ZNF836: variants seen among roughly 807,000 people sequenced by gnomAD.
The protein encoded by ZNF836 is zinc finger protein 836.
ZNF836 carries 12 observed loss-of-function variants against 7.4 expected under a neutral mutation model. The observed-to-expected ratio is 1.61, with a 90% confidence interval of 1.03 to 2.61. The LOEUF (loss-of-function observed/expected upper bound fraction) is 2.61. Ranked by LOEUF, ZNF836 falls within the 30% of genes most tolerant of loss-of-function variation. ZNF836 has a pLI of 0.00. For missense variants in ZNF836, 998 were observed against 1,126.2 expected, an observed-to-expected ratio of 0.89 and a Z score of 1.63; for synonymous variants, 365 against 382.6, an observed-to-expected ratio of 0.95 and a Z score of 0.54.
chr19:52,165,195 T>TA (rs1471220634), intron 3 of ZNF836: 1 of 152,194 alleles, frequency 6.6e-6, no homozygotes, highest in Non-Finnish European at 1.5e-5. Context: ...CAGAAAAAGA[T>TA]AAAGGAAAAC....
At chr19:52,162,037 G>C (rs1167487869) in intron 3 of ZNF836, among the ~76,000 whole-genome samples, 2 of 152,206 alleles carry the variant, frequency 1.3e-5, no homozygotes, top group South Asian at 2.1e-4. Flanking sequence ...ACTAAGGCTT[G>C]ACAATAATCT....
chr19:52,164,449 A>AAAAGG (rs2089243365), intron 3 of ZNF836, among the ~76,000 whole-genome samples: 14 of 137,276 alleles, frequency 1.0e-4, no homozygotes, highest in African/African-American at 4.0e-4. Context: ...GAGAGAGAGA[A>AAAAGG]AAGGAAGGAA....
In ZNF836 at chr19:52,155,262, C is replaced by A. The variant is rs769066304; in HGVS notation, c.2421G>T (p.Val807=). Residue 807 remains valine, a synonymous_variant, in exon 5 of 5, where the codon GTG becomes GTT. Transcript: ENST00000682614. ...TAAAGGCTTTGCCACACTCATTACA[C>A]ACGTAAGGTTTCTCTCCAGTATGAA... ...RSIHTGEKPY[V]CNECGKAFRV... is the part of the protein sequence containing the mutation. 3.1e-6 allele frequency: 5 copies of A among 1,613,954 alleles called. No homozygotes were observed. The South Asian group carries it at 5.5e-5, about 18-fold the overall frequency.
In ZNF836 at chr19:52,154,503, A is replaced by G. The variant is rs2089132722; in HGVS notation, c.*369T>C. On this transcript the variant is annotated 3_prime_UTR_variant, in exon 5 of 5. Coordinates refer to ENST00000682614, the MANE Select transcript of ZNF836 (RefSeq NM_001102657.3). ...GTGAAACTCCATGTCTACTAAAAAT[A>G]CAAAAATTAGCCAGGCATGGTGGTG... The G allele has an allele frequency of 6.2e-6, 1 of 161,550 alleles. No individual in the cohort carries two copies. The highest frequency in any genetic ancestry group is 1.4e-5 in the Non-Finnish European group (1 of 73,322). 10.0% of individuals were successfully genotyped at this position (161,550 alleles called of 1,614,324 possible).
Position 52,154,944 on chromosome 19 carries a change from A to G in ZNF836, c.2739T>C (p.Thr913=). The G allele has an allele frequency of 1.3e-6, 2 of 1,579,610 alleles. No individual in the cohort carries two copies. The highest frequency in any genetic ancestry group is 1.7e-6 in the Non-Finnish European group (2 of 1,163,790). The change falls in exon 5 of 5, where the codon ACT becomes ACC. Residue 913 remains threonine (T), a synonymous_variant. Transcript: ENST00000682614. ...TGAATTTTGTTTTAAGACTCTCTGC[A>G]GTATGTTTTGTCTGATGTTTAGTGA... ...SGLTKHQTKH[T]AESLKTKFNV... is the part of the protein sequence containing the mutation.
chr19:52,159,803 A>G (rs2089197138), intron 4 of ZNF836, among the ~76,000 whole-genome samples: 1 of 152,176 alleles, frequency 6.6e-6, no homozygotes, highest in African/African-American at 2.4e-5. Flanking sequence ...AGTTATAAGC[A>G]TGGGGCAGCA....
At chr19:52,160,040 G>A (rs1001179777) in intron 4 of ZNF836, among the ~76,000 whole-genome samples, 8 of 151,842 alleles carry the variant, frequency 5.3e-5, no homozygotes, top group Non-Finnish European at 1.0e-4. Context: ...AAAATTAGCC[G>A]GGAGTGGTGG....
intron 1 of ZNF836, 80 bp from the exon 2 acceptor site, chr19:52,169,861 T>G (rs1460062436): frequency 6.6e-6 from 1 of 151,844 alleles, no homozygotes; most frequent in African/African-American, 2.4e-5. Context: ...CATTTCTCAG[T>G]TACTCTATCC....
rs761386714 is a variant in ZNF836, at chr19:52,156,433, T to C, written c.1250A>G (p.Asp417Gly). Residue 417 changes from aspartate to glycine, a missense_variant, in exon 5 of 5, where the codon GAT becomes GGT. Physicochemically the swap from Asp to Gly is moderately conservative, Grantham distance 94. Transcript: ENST00000682614. ...CCGTTTAAAGGTTTTGCCACACTCA[T>C]CACATTTGTAAGGTTTGTTTCCACT... The part of the protein sequence containing the change: ...VHSGNKPYKC[D>G]ECGKTFKRSS... 1 of 1,614,180 alleles carries C rather than the reference T, an allele frequency of 6.2e-7. No individual in the cohort carries two copies. The highest frequency in any genetic ancestry group is 8.5e-7 in the Non-Finnish European group (1 of 1,180,036).
In ZNF836 at chr19:52,156,496, C is replaced by T. The variant is rs2089161712; in HGVS notation, c.1187G>A (p.Ser396Asn). ...ATGAGTTGCCAGGTTGGAACTTTGACTAAAGGACTTTCCACATATGTTGCA... is the reference window on the plus strand; with the variant it reads ...ATGAGTTGCCAGGTTGGAACTTTGATTAAAGGACTTTCCACATATGTTGCA... ...YKCNICGKSF[S>N]QSSNLATHQT... The change falls in exon 5 of 5, where the codon AGT (serine) becomes AAT (asparagine). Residue 396 changes from serine (S) to asparagine (N), a missense_variant. Coordinates refer to ENST00000682614, the MANE Select transcript of ZNF836 (RefSeq NM_001102657.3). 1.2e-6 allele frequency: 2 copies of T among 1,614,110 alleles called. No individual in the cohort carries two copies. Among genetic ancestry groups the T allele is most frequent in the East Asian group, 4.5e-5 (2 of 44,866 alleles).
In ZNF836 at chr19:52,161,192, C is replaced by T. The variant is rs750011989; in HGVS notation, c.16-601G>A. 2.6e-5 allele frequency among the ~76,000 whole-genome samples: 4 copies of T among 152,198 alleles called. No individual in the cohort carries two copies. Among genetic ancestry groups the T allele is most frequent in the Non-Finnish European group, 5.9e-5 (4 of 68,044 alleles). On this transcript the variant is annotated intron_variant, in intron 3 of 4. Transcript: ENST00000682614. The surrounding 1 kb of genome is among the most constrained non-coding windows in gnomAD (Gnocchi z 4.1). ...AACCTGAAAATGGCAGAGCAGGCAT[C>T]TAAATCCAGATGTCTGAGAATCAGT...
At position 52,155,538 on chromosome 19, in the gene ZNF836, A is replaced by T; in HGVS notation, c.2145T>A (p.Asn715Lys). The change falls in exon 5 of 5, where the codon AAT becomes AAA. Residue 715 changes from asparagine (N) to lysine (K), a missense_variant. By Grantham distance (94) the Asn-to-Lys change is moderately conservative. Transcript: ENST00000682614. ...QSSKLARYHRNPTGEKPHKCS... is the reference protein window; with the variant it reads ...QSSKLARYHRKPTGEKPHKCS... ...ATTTGTGTGGTTTCTCCCCAGTAGG[A>T]TTTCTGTGATATCTTGCAAGTTTTG... 1 of 1,613,876 alleles carries T rather than the reference A, an allele frequency of 6.2e-7. No individual in the cohort carries two copies. The highest frequency in any genetic ancestry group is 8.5e-7 in the Non-Finnish European group (1 of 1,179,876).
chr19:52,167,285 A>G (rs1276457748), intron 3 of ZNF836, among the ~76,000 whole-genome samples: 1 of 151,782 alleles, frequency 6.6e-6, no homozygotes, highest in Non-Finnish European at 1.5e-5. Flanking sequence ...CAGCCTGACC[A>G]ACATGGTGAA....
rs1286193721 is a variant in ZNF836 at position 52,156,651 on chromosome 19, G to C, written c.1032C>G (p.Cys344Trp). The C allele has an allele frequency of 3.7e-6, 6 of 1,613,182 alleles. No homozygotes were observed. The East Asian group carries it at 1.3e-4, about 36-fold the overall frequency. ...TATGGATTATCTGATGTGTAGTGAG[G>C]CATGAGCCTTGTTTGAAGGTTTTCC... ...ECGKTFKQGSCLTTHQIIHTG... is the reference protein window; with the variant it reads ...ECGKTFKQGSWLTTHQIIHTG... The change falls in exon 5 of 5, where the codon TGC (cysteine) becomes TGG (tryptophan). Residue 344 changes from cysteine (C) to tryptophan (W), a missense_variant. Coordinates refer to ENST00000682614, the MANE Select transcript of ZNF836 (RefSeq NM_001102657.3).
chr19:52,163,825 C>A (rs2089235684), intron 3 of ZNF836, among the ~76,000 whole-genome samples: 2 of 151,464 alleles, frequency 1.3e-5, no homozygotes, highest in South Asian at 4.2e-4. Context: ...TCTTCAATAG[C>A]GCAGACAGGT....
chr19:52,155,336 A>G lies in ZNF836; in HGVS notation c.2347T>C (p.Cys783Arg). 6.2e-7 allele frequency: 1 copy of G among 1,614,148 alleles called. No homozygotes were observed. The highest frequency in any genetic ancestry group is 8.5e-7 in the Non-Finnish European group (1 of 1,180,026). Residue 783 changes from cysteine (C) to arginine (R), a missense_variant, in exon 5 of 5, where the codon TGT becomes CGT. Transcript: ENST00000682614. ...GATTGATGACGAAAGACCTTGCCAC[A>G]TTCATTACATTTGTAAGGTTTCTCT... is the stretch of plus-strand genomic sequence containing the variant. ...TGEKPYKCNE[C>R]GKVFRHQSTL...
chr19:52,159,905 G>C (rs2089197925), intron 4 of ZNF836, among the ~76,000 whole-genome samples: 1 of 152,020 alleles, frequency 6.6e-6, no homozygotes, highest in African/African-American at 2.4e-5. Flanking sequence ...TAATTTAGAA[G>C]TAGCGTGGTG....
intron 3 of ZNF836, among the ~76,000 whole-genome samples, chr19:52,166,573 TTC>T (rs1437243472): frequency 1.8e-5 from 2 of 113,698 alleles, no homozygotes; most frequent in African/African-American, 2.8e-5. Context: ...TTGTACCAAC[TTC>T]TTTTTTTTTT....
At chr19:52,160,189 A>T (rs1484661889) in intron 4 of ZNF836, 3 of 219,550 alleles carry the variant, frequency 1.4e-5, no homozygotes, top group Non-Finnish European at 1.6e-5. Flanking sequence ...TCTCCATTAA[A>T]AAAAAAAAAA....
Sources: gnomAD v4.1 joint callset for allele counts (sites outside exome capture counted in the v4.1 genomes callset) on GRCh38, gnomAD v4.1.1 for gene constraint, Gnocchi (gnomAD v3.1) non-coding constraint, MANE v1.5 for transcripts, NCBI Gene and HGNC (gene_info 2026-07-23, HGNC 2026-07-21) for gene names.